Variants in SKAP1 observed in about 807,000 individuals in gnomAD.
SKAP1 encodes src kinase associated phosphoprotein 1, also known as src kinase-associated phosphoprotein 1.
SKAP1 carries 44 observed loss-of-function variants against 58.5 expected under a neutral mutation model. That is an observed-to-expected ratio of 0.75 (90% CI 0.59 to 0.97). The LOEUF (loss-of-function observed/expected upper bound fraction) is 0.97, where lower values mean the gene tolerates loss of function less well. Among genes scored for constraint, SKAP1 ranks in the 50% least tolerant of loss-of-function variants. SKAP1 has a pLI of 0.00. For synonymous variants in SKAP1, 127 were observed against 149.7 expected, an observed-to-expected ratio of 0.85 and a Z score of 1.11; for missense variants, 390 against 435.2, an observed-to-expected ratio of 0.90 and a Z score of 0.92.
chr17:48,241,592 T>C (rs1371485058), intron 4 of SKAP1, among the ~76,000 whole-genome samples: 2 of 151,894 alleles, frequency 1.3e-5, no homozygotes, highest in African/African-American at 4.8e-5. Flanking sequence ...TGCAGATAAG[T>C]CTATATTTAA....
chr17:48,364,890 A>G (rs1424459626), intron 2 of SKAP1, among the ~76,000 whole-genome samples: 5 of 150,278 alleles, frequency 3.3e-5, no homozygotes, highest in Non-Finnish European at 5.9e-5. Flanking sequence ...TTATTTATCT[A>G]TTTTTTTTTC....
chr17:48,143,882 C>T (rs1227168870), intron 11 of SKAP1, among the ~76,000 whole-genome samples: 3 of 152,144 alleles, frequency 2.0e-5, no homozygotes, highest in South Asian at 2.1e-4. Context: ...CCTCTTTAGT[C>T]GTAATGCCAG....
intron 10 of SKAP1, among the ~76,000 whole-genome samples, chr17:48,166,117 A>G (rs1343188442): frequency 1.3e-5 from 2 of 152,182 alleles, no homozygotes; most frequent in Admixed American, 6.5e-5. Context: ...AACAATTACA[A>G]TGATAGAGAA....
At chr17:48,256,034 G>T (rs555319852) in intron 4 of SKAP1, among the ~76,000 whole-genome samples, 2 of 152,198 alleles carry the variant, frequency 1.3e-5, no homozygotes, top group South Asian at 4.1e-4. Context: ...CTTCTGCAAA[G>T]ATGCATTTTT....
In SKAP1 at chr17:48,170,630, T is replaced by C. The variant is rs574969815; in HGVS notation, c.856A>G (p.Ser286Gly). The C allele has an allele frequency of 6.2e-7, 1 of 1,613,868 alleles. No homozygotes were observed. Among genetic ancestry groups the C allele is most frequent in the Non-Finnish European group, 8.5e-7 (1 of 1,179,856 alleles). ...DEEHDLEEDE[S>G]GTRRKGVDYA... ...ATACCTCCTTTTCGTCGAGTGCCAC[T>C]CTCATCCTCTTCTAGATCATGCTCT... Residue 286 changes from serine (S) to glycine (G), a missense_variant, in exon 10 of 13, where the codon AGT (serine) becomes GGT (glycine). By Grantham distance (56) the Ser-to-Gly change is moderately conservative. Coordinates refer to ENST00000336915, the MANE Select transcript of SKAP1 (RefSeq NM_003726.4).
At chr17:48,165,557 C>T (rs776465877) in intron 10 of SKAP1, among the ~76,000 whole-genome samples, 17 of 152,000 alleles carry the variant, frequency 1.1e-4, no homozygotes, top group Admixed American at 2.0e-4. Context: ...CGTGCCACCA[C>T]GCCCAGCTAA....
the SKAP1 span, among the ~76,000 whole-genome samples, chr17:48,444,781 AG>A: frequency 6.6e-6 from 1 of 152,246 alleles, no homozygotes; most frequent in African/African-American, 2.4e-5. Context: ...TCCCAGCGAC[AG>A]GAGGAAGCCC....
intron 4 of SKAP1, among the ~76,000 whole-genome samples, chr17:48,224,656 T>A (rs1173679515): frequency 6.6e-6 from 1 of 152,224 alleles, no homozygotes; most frequent in Non-Finnish European, 1.5e-5. Flanking sequence ...GGAACTGTCA[T>A]CAAATTTAAA....
intron 11 of SKAP1, among the ~76,000 whole-genome samples, chr17:48,150,506 A>G (rs1347995090): frequency 6.6e-6 from 1 of 152,220 alleles, no homozygotes; most frequent in African/African-American, 2.4e-5. Flanking sequence ...GTGTTTATAG[A>G]TGCTCTGTTT....
intron 4 of SKAP1, among the ~76,000 whole-genome samples, chr17:48,326,892 T>C: frequency 6.8e-6 from 1 of 146,034 alleles, no homozygotes; most frequent in Non-Finnish European, 1.5e-5. Flanking sequence ...TTTCTTTCTT[T>C]TTTTTTTTTT....
chr17:48,312,518 T>C (rs1393795252), intron 4 of SKAP1, among the ~76,000 whole-genome samples: 2 of 152,266 alleles, frequency 1.3e-5, no homozygotes, highest in Non-Finnish European at 2.9e-5. Flanking sequence ...TTATTGTTTG[T>C]CCTTTAAAAA....
intron 2 of SKAP1, among the ~76,000 whole-genome samples, chr17:48,370,934 A>C (rs996078738): frequency 1.3e-5 from 2 of 152,226 alleles, no homozygotes. Context: ...TACACCATGG[A>C]CTATGATGCA....
intron 4 of SKAP1, among the ~76,000 whole-genome samples, chr17:48,238,065 C>G (rs1449302527): frequency 6.6e-6 from 1 of 151,974 alleles, no homozygotes; most frequent in Non-Finnish European, 1.5e-5. Context: ...ATGATCTTGG[C>G]TCACTGCAAG....
intron 4 of SKAP1, among the ~76,000 whole-genome samples, chr17:48,249,918 T>A (rs1295117753): frequency 1.3e-5 from 2 of 151,700 alleles, no homozygotes; most frequent in Non-Finnish European, 2.9e-5. Flanking sequence ...CACAGATCTG[T>A]TACAGCTCAG....
chr17:48,194,420 T>C (rs1397327448), intron 4 of SKAP1, among the ~76,000 whole-genome samples: 12 of 152,198 alleles, frequency 7.9e-5, no homozygotes, highest in Admixed American at 7.9e-4. Context: ...CTTTGGAGTG[T>C]GATACATTTC....
intron 4 of SKAP1, among the ~76,000 whole-genome samples, chr17:48,275,126 A>C (rs936612817): frequency 1.3e-5 from 2 of 152,222 alleles, no homozygotes; most frequent in African/African-American, 4.8e-5. Flanking sequence ...CCAGTAAAGC[A>C]ATCTGTACTG....
chr17:48,203,715 C>T (rs1278206479), intron 4 of SKAP1: 2 of 152,064 alleles, frequency 1.3e-5, no homozygotes, highest in Non-Finnish European at 1.5e-5. Flanking sequence ...AGAGGCTGCA[C>T]ATATTGGATG....
chr17:48,337,079 AC>A (rs1446527416), intron 4 of SKAP1, among the ~76,000 whole-genome samples: 1 of 152,196 alleles, frequency 6.6e-6, no homozygotes, highest in East Asian at 1.9e-4. Flanking sequence ...CCATAAAGGA[AC>A]AATTCCTCTC....
rs139922047 is a variant in SKAP1 at position 48,248,184 on chromosome 17, G to A, written c.281-58684C>T. Among the ~76,000 whole-genome samples, 21 of 152,264 alleles carry A rather than the reference G, an allele frequency of 1.4e-4. No homozygotes were observed. The East Asian group carries it at 2.1e-3, about 15-fold the overall frequency. On this transcript the variant is annotated intron_variant, in intron 4 of 12. Coordinates refer to ENST00000336915, the MANE Select transcript of SKAP1 (RefSeq NM_003726.4). Reference sequence around the variant, plus strand: ...ATTTATTCTTCCAAGGATGGCCTGCGCAGGAACAGGTAGTCTTCTTAGTTT... The same window carrying A: ...ATTTATTCTTCCAAGGATGGCCTGCACAGGAACAGGTAGTCTTCTTAGTTT...
Sources: allele counts gnomAD v4.1 joint callset (sites outside exome capture counted in the v4.1 genomes callset), GRCh38; gene constraint gnomAD v4.1.1; transcripts MANE v1.5; gene names NCBI Gene and HGNC (gene_info 2026-07-23, HGNC 2026-07-21).